The following IDE variants were observed in gnomAD, a reference collection of about 807,000 sequenced individuals.
IDE encodes the protein insulin-degrading enzyme.
A neutral mutation model predicts 133.2 loss-of-function variants in IDE; 58 were observed. That is an observed-to-expected ratio of 0.44 (90% CI 0.35 to 0.54). IDE has a LOEUF of 0.54. Among genes scored for constraint, IDE ranks in the 20% least tolerant of loss-of-function variants. The pLI is 0.00. For missense variants in IDE, 981 were observed against 1,234.0 expected (o/e 0.79, Z 3.07); for synonymous variants, 396 against 421.3 (o/e 0.94, Z 0.73).
rs71028827 is a variant in IDE at position 92,552,857 on chromosome 10, C to CAAAAAA, written c.99-15313_99-15308dup. On this transcript the variant is annotated intron_variant, in intron 1 of 24. Transcript: ENST00000265986. ...TGGGTGACAGAGTAAGACTCAGTCTCAAAAAAAAAAAAAAAAAAAAATTAT... is the reference window on the plus strand; with the variant it reads ...TGGGTGACAGAGTAAGACTCAGTCTCAAAAAAAAAAAAAAAAAAAAAAAAAAATTAT... Among the ~76,000 whole-genome samples, 21 of 49,382 alleles carry CAAAAAA rather than the reference C, an allele frequency of 4.3e-4. 1 individual carries two copies. Among genetic ancestry groups the CAAAAAA allele is most frequent in the African/African-American group, 1.1e-3 (10 of 9,342 alleles). 32.4% of individuals were successfully genotyped at this position (49,382 alleles called of 152,430 possible). A position where few individuals can be genotyped will look rare whatever the true frequency, so the allele number is the denominator to read the frequency against.
intron 2 of IDE, 96 bp from the exon 3 acceptor site, chr10:92,534,881 A>C (rs1467738485): frequency 1.2e-6 from 1 of 811,622 alleles, no homozygotes. Context: ...GACAACTCCA[A>C]CTATATAATC....
chr10:92,454,086 A>G lies in IDE; in HGVS notation c.*358T>C, dbSNP rs1009657851. 6.1e-6 allele frequency: 1 copy of G among 165,162 alleles called. No individual in the cohort carries two copies. Among genetic ancestry groups the G allele is most frequent in the African/African-American group, 2.4e-5 (1 of 41,694 alleles). The allele number at this position is 165,162 out of a possible 1,614,324, so 10.2% of individuals were successfully genotyped here. A position where few individuals can be genotyped will look rare whatever the true frequency, so the allele number is the denominator to read the frequency against. On this transcript the variant is annotated 3_prime_UTR_variant, in exon 25 of 25. Coordinates refer to ENST00000265986, the MANE Select transcript of IDE (RefSeq NM_004969.4). Reference sequence around the variant, plus strand: ...TTCTATGTCAAGCTAGGAGGCTTTTAGAAAAGAGCTAACTTTTAACTTTCT... The same window carrying G: ...TTCTATGTCAAGCTAGGAGGCTTTTGGAAAAGAGCTAACTTTTAACTTTCT...
intron 1 of IDE, among the ~76,000 whole-genome samples, chr10:92,551,114 TAGC>T (rs1564672686): frequency 6.6e-6 from 1 of 152,224 alleles, no homozygotes; most frequent in East Asian, 1.9e-4. Flanking sequence ...GCTATGTTCA[TAGC>T]AGCAGTACTG....
At chr10:92,557,688 G>A (rs558139899) in intron 1 of IDE, among the ~76,000 whole-genome samples, 3 of 152,000 alleles carry the variant, frequency 2.0e-5, no homozygotes, top group Non-Finnish European at 4.4e-5. Context: ...CCAGGAGTTC[G>A]AGACTAGCCT....
intron 24 of IDE, among the ~76,000 whole-genome samples, chr10:92,454,770 A>T (rs945630899): frequency 1.3e-5 from 2 of 152,124 alleles, no homozygotes; most frequent in African/African-American, 4.8e-5. Flanking sequence ...ACCTATGGTA[A>T]GTGTCCTTAG....
At chr10:92,505,952 AC>A (rs566961785) in intron 10 of IDE, among the ~76,000 whole-genome samples, 407 of 152,300 alleles carry the variant, frequency 2.7e-3, no homozygotes, top group Non-Finnish European at 4.0e-3. Context: ...CTGTTGGGAA[AC>A]CACTGAAGGA....
intron 1 of IDE, among the ~76,000 whole-genome samples, chr10:92,552,651 G>T (rs569431964): frequency 4.0e-5 from 6 of 151,864 alleles, no homozygotes; most frequent in African/African-American, 1.4e-4. Context: ...CTCAGGTCAG[G>T]AGTTTGAGAC....
At chr10:92,528,728 T>C (rs996460891) in intron 4 of IDE, among the ~76,000 whole-genome samples, 3 of 152,140 alleles carry the variant, frequency 2.0e-5, no homozygotes, top group South Asian at 2.1e-4. Context: ...CAATGTGTGG[T>C]TTTTATTCAT....
At chr10:92,527,960 G>C (rs751199466) in intron 4 of IDE, among the ~76,000 whole-genome samples, 2 of 152,228 alleles carry the variant, frequency 1.3e-5, no homozygotes, top group Non-Finnish European at 2.9e-5. Flanking sequence ...AGGTGGCAGT[G>C]AGCCAAGGTC....
At chr10:92,479,576 A>G (rs1270453306) in intron 14 of IDE, 155 bp from the exon 15 acceptor site, 4 of 610,434 alleles carry the variant, frequency 6.6e-6, no homozygotes, top group Admixed American at 2.9e-5. Context: ...GAAAAAAAAG[A>G]AGATGTCTGA....
chr10:92,573,165 G>A (rs1191072135), intron 1 of IDE: 62 of 985,304 alleles, frequency 6.3e-5, no homozygotes, highest in Non-Finnish European at 7.3e-5. Flanking sequence ...AACGCCTAGC[G>A]TACGCAGATC....
intron 1 of IDE, among the ~76,000 whole-genome samples, chr10:92,552,221 C>A (rs1418091748): frequency 6.6e-6 from 1 of 152,052 alleles, no homozygotes; most frequent in African/African-American, 2.4e-5. Flanking sequence ...AATATTGTGA[C>A]CTATTTTAAA....
At chr10:92,531,116 C>T (rs1849898768) in intron 4 of IDE, among the ~76,000 whole-genome samples, 1 of 152,128 alleles carries the variant, frequency 6.6e-6, no homozygotes, top group South Asian at 2.1e-4. Context: ...CTTTGTGTTT[C>T]TGCTTTTATT....
At chr10:92,498,755 T>G (rs538096727) in intron 11 of IDE, among the ~76,000 whole-genome samples, 1 of 152,186 alleles carries the variant, frequency 6.6e-6, no homozygotes, top group South Asian at 2.1e-4. Flanking sequence ...AAACTCCATC[T>G]CAAAGAACAA....
intron 11 of IDE, among the ~76,000 whole-genome samples, chr10:92,501,671 A>G (rs1848023530): frequency 6.6e-6 from 1 of 150,778 alleles, no homozygotes; most frequent in Admixed American, 6.6e-5. Flanking sequence ...TCCGTCTAAA[A>G]AAAAAAAGAA....
At chr10:92,545,156 A>G (rs1842483711) in intron 1 of IDE, among the ~76,000 whole-genome samples, 1 of 152,226 alleles carries the variant, frequency 6.6e-6, no homozygotes, top group Non-Finnish European at 1.5e-5. Context: ...AGTTTACATT[A>G]CAATTAATGT....
intron 1 of IDE, among the ~76,000 whole-genome samples, chr10:92,551,581 A>AG (rs1361069543): frequency 1.2e-4 from 18 of 151,784 alleles, no homozygotes; most frequent in Admixed American, 3.9e-4. Flanking sequence ...AAAAAAAAAA[A>AG]AAAAGAAAAG....
chr10:92,536,310 G>A (rs1841998691), intron 2 of IDE, among the ~76,000 whole-genome samples: 1 of 148,796 alleles, frequency 6.7e-6, no homozygotes, highest in Non-Finnish European at 1.5e-5. Context: ...TTGAACCTGG[G>A]AGGTGGAGGC....
chr10:92,514,225 T>C (rs919630588), intron 5 of IDE, among the ~76,000 whole-genome samples: 2 of 152,138 alleles, frequency 1.3e-5, no homozygotes, highest in Admixed American at 1.3e-4. Context: ...TCATTACCAA[T>C]ATAAAAAAGC....
Sources: allele counts gnomAD v4.1 joint callset (sites outside exome capture counted in the v4.1 genomes callset), GRCh38; gene constraint gnomAD v4.1.1; transcripts MANE v1.5; gene names NCBI Gene and HGNC (gene_info 2026-07-23, HGNC 2026-07-21).